Variants in UBE2S observed in about 807,000 individuals in gnomAD.
UBE2S encodes ubiquitin conjugating enzyme E2 S.
A neutral mutation model predicts 12.3 loss-of-function variants in UBE2S; 3 were observed. The observed-to-expected ratio is 0.24, with a 90% confidence interval of 0.11 to 0.63. The LOEUF (loss-of-function observed/expected upper bound fraction) is 0.63, where lower values mean the gene tolerates loss of function less well. Among genes scored for constraint, UBE2S ranks in the 30% least tolerant of loss-of-function variants. The pLI, the probability that UBE2S is intolerant of heterozygous loss-of-function variation, is 0.85. For synonymous variants in UBE2S, 133 were observed against 142.0 expected, an observed-to-expected ratio of 0.94 and a Z score of 0.45; for missense variants, 211 against 313.9, an observed-to-expected ratio of 0.67 and a Z score of 2.48.
chr19:55,406,743 G>A (rs887436880), intron 2 of UBE2S, 72 bp downstream of exon 2: 15 of 1,542,606 alleles, frequency 9.7e-6, no homozygotes, highest in Admixed American at 1.9e-5. Context: ...GGTACTTCCC[G>A]CTAGGGTGAT....
At chr19:55,401,815 C>CA in intron 3 of UBE2S, 53 bp from the exon 4 acceptor site, 1 of 1,595,116 alleles carries the variant, frequency 6.3e-7, no homozygotes, top group Non-Finnish European at 8.6e-7. Context: ...CAGGGACCCC[C>CA]AGGCCTCCAC....
chr19:55,403,392 G>A, intron 3 of UBE2S: 1 of 371,266 alleles, frequency 2.7e-6, no homozygotes, highest in Non-Finnish European at 4.9e-6. Flanking sequence ...AGGAAGCTGA[G>A]GCAGGAAGAT....
In UBE2S at chr19:55,404,512, C is replaced by A; in HGVS notation, c.152-34G>T. 1 of 1,553,210 alleles carries A rather than the reference C, an allele frequency of 6.4e-7. No homozygotes were observed. On this transcript the variant is annotated intron_variant, in intron 2 of 3. Transcript: ENST00000264552. This position sits in a 1 kb window ranked among gnomAD's most constrained non-coding sequence, Gnocchi z 4.4. The stretch of plus-strand genomic sequence containing the variant: ...GAGGGAGGGGTACAGGGTCAGGGCA[C>A]TCAGGAGTCCCAAGGCACCTCAACA...
At chr19:55,405,640 G>A (rs1412344860) in intron 2 of UBE2S, among the ~76,000 whole-genome samples, 1 of 152,086 alleles carries the variant, frequency 6.6e-6, no homozygotes, top group African/African-American at 2.4e-5. Context: ...GCACCCTCCT[G>A]GATCCCCCGT....
intron 1 of UBE2S, 103 bp from the exon 2 acceptor site, chr19:55,407,065 G>C: frequency 7.0e-7 from 1 of 1,427,306 alleles, no homozygotes; most frequent in Non-Finnish European, 9.5e-7. Context: ...AGTGGCCCCA[G>C]GCTGTCAATC....
chr19:55,401,098 C>T lies in UBE2S; in HGVS notation c.*338G>A, dbSNP rs893167115. On this transcript the variant is annotated 3_prime_UTR_variant, in exon 4 of 4. Transcript: ENST00000264552. Reference sequence around the variant, plus strand: ...TCTGACTCCAAAGAGGGGTTGTGACCGCTCTACCTCCACAGAACAAAGAGG... The same window carrying T: ...TCTGACTCCAAAGAGGGGTTGTGACTGCTCTACCTCCACAGAACAAAGAGG... The T allele has an allele frequency of 8.4e-5, 28 of 332,142 alleles. No individual in the cohort carries two copies. Among genetic ancestry groups the T allele is most frequent in the African/African-American group, 2.0e-4 (9 of 46,056 alleles). 20.6% of individuals were successfully genotyped at this position (332,142 alleles called of 1,614,324 possible). A position where few individuals can be genotyped will look rare whatever the true frequency, so the allele number is the denominator to read the frequency against.
rs2090099014 is a variant in UBE2S at position 55,406,824 on chromosome 19, C to T, written c.142G>A (p.Glu48Lys). ...TTCCTTCCAAACTCACCAGGGCCCT[C>T]GATGGTGACCTGGAGGTCGGTGAGG... The part of the protein sequence containing the change: ...EDLTDLQVTI[E>K]GPEGTPYAGG... The change falls in exon 2 of 4, where the codon GAG (glutamate) becomes AAG (lysine). Residue 48 changes from glutamate (E) to lysine (K), a missense_variant. By Grantham distance (56) the Glu-to-Lys change is moderately conservative (BLOSUM62 1). Coordinates refer to ENST00000264552, the MANE Select transcript of UBE2S (RefSeq NM_014501.3). 2 of 1,612,498 alleles carry T rather than the reference C, an allele frequency of 1.2e-6. No homozygotes were observed. Among genetic ancestry groups the T allele is most frequent in the Non-Finnish European group, 1.7e-6 (2 of 1,179,400 alleles).
Position 55,404,217 on chromosome 19 carries a change from C to T in UBE2S, c.342+71G>A, listed in dbSNP as rs1046800681. ...GTTGATTCAGAAAAACTAAACAAAG[C>T]GCTATGGCTCAGACACCAGCAGACC... On this transcript the variant is annotated intron_variant, in intron 3 of 3. Coordinates refer to ENST00000264552, the MANE Select transcript of UBE2S (RefSeq NM_014501.3). The surrounding 1 kb of genome is among the most constrained non-coding windows in gnomAD (Gnocchi z 4.4). 35 of 1,582,338 alleles carry T rather than the reference C, an allele frequency of 2.2e-5. No homozygotes were observed. The highest frequency in any genetic ancestry group is 2.7e-5 in the African/African-American group (2 of 73,926).
At position 55,406,864 on chromosome 19, in the gene UBE2S, A is replaced by G. The variant is rs762797582; in HGVS notation, c.102T>C (p.Phe34=). The change falls in exon 2 of 4, where the codon TTT becomes TTC. Residue 34 remains phenylalanine (F), a synonymous_variant. Coordinates refer to ENST00000264552, the MANE Select transcript of UBE2S (RefSeq NM_014501.3). ...TADPPDGIKV[F]PNEEDLTDLQ... is the part of the protein sequence containing the mutation. ...GGTCGGTGAGGTCCTCCTCGTTGGG[A>G]AAGACCTTGATGCCATCGGGTGGGT... 2.5e-6 allele frequency: 4 copies of G among 1,613,780 alleles called. No homozygotes were observed. The Admixed American group carries it at 5.0e-5, about 20-fold the overall frequency.
Position 55,401,472 on chromosome 19 carries a change from T to C in UBE2S, c.633A>G (p.Lys211=), listed in dbSNP as rs765130126. The C allele has an allele frequency of 1.7e-5, 27 of 1,607,688 alleles. No homozygotes were observed. The highest frequency in any genetic ancestry group is 2.7e-5 in the African/African-American group (2 of 74,718). Residue 211 remains lysine, a synonymous_variant, in exon 4 of 4, where the codon AAA becomes AAG. Transcript: ENST00000264552. ...GERDKKLAAK[K]KTDKKRALRR... Reference sequence around the variant, plus strand: ...GCAGCGCCCGCTTCTTGTCCGTCTTTTTCTTGGCCGCCAGCTTCTTATCGC... The same window carrying C: ...GCAGCGCCCGCTTCTTGTCCGTCTTCTTCTTGGCCGCCAGCTTCTTATCGC...
At chr19:55,403,388 C>A (rs2090075176) in intron 3 of UBE2S, 1 of 372,632 alleles carries the variant, frequency 2.7e-6, no homozygotes, top group African/African-American at 2.1e-5. Context: ...ATTCAGGAAG[C>A]TGAGGCAGGA....
chr19:55,405,283 G>C (rs924145874), intron 2 of UBE2S, among the ~76,000 whole-genome samples: 10 of 151,482 alleles, frequency 6.6e-5, no homozygotes, highest in African/African-American at 2.4e-4. Context: ...GCTGAGGCGG[G>C]CGGATCACAA....
chr19:55,404,521 C>A lies in UBE2S; in HGVS notation c.152-43G>T. On this transcript the variant is annotated intron_variant, in intron 2 of 3. Coordinates refer to ENST00000264552, the MANE Select transcript of UBE2S (RefSeq NM_014501.3). The surrounding 1 kb of genome is among the most constrained non-coding windows in gnomAD (Gnocchi z 4.4). ...GTACAGGGTCAGGGCACTCAGGAGT[C>A]CCAAGGCACCTCAACACCCCAAAGT... 6.5e-7 allele frequency: 1 copy of A among 1,527,042 alleles called. No homozygotes were observed. Among genetic ancestry groups the A allele is most frequent in the Middle Eastern group, 1.8e-4 (1 of 5,700 alleles). 94.6% of individuals were successfully genotyped at this position (1,527,042 alleles called of 1,614,324 possible). A position where few individuals can be genotyped will look rare whatever the true frequency, so the allele number is the denominator to read the frequency against.
At position 55,406,984 on chromosome 19, in the gene UBE2S, G is replaced by C. The variant is rs200877484; in HGVS notation, c.4-22C>G. The C allele has an allele frequency of 3.7e-4, 603 of 1,610,974 alleles. 2 individuals are homozygous for C. Among genetic ancestry groups the C allele is most frequent in the Admixed American group, 8.0e-4 (48 of 59,780 alleles). Reference sequence around the variant, plus strand: ...AGTTCTGGGCACGGATGGGAGAGCAGGGTGAGCGAGTGTTAAGAGCTGGGC... The same window carrying C: ...AGTTCTGGGCACGGATGGGAGAGCACGGTGAGCGAGTGTTAAGAGCTGGGC... On this transcript the variant is annotated intron_variant, in intron 1 of 3. Transcript: ENST00000264552.
intron 3 of UBE2S, among the ~76,000 whole-genome samples, chr19:55,403,557 A>G (rs907027128): frequency 1.3e-5 from 2 of 151,790 alleles, no homozygotes; most frequent in Non-Finnish European, 2.9e-5. Flanking sequence ...AAAAGAAAGA[A>G]AGAGCTTCTA....
intron 1 of UBE2S, 52 bp downstream of exon 1, chr19:55,407,535 T>C: frequency 6.6e-7 from 1 of 1,522,014 alleles, no homozygotes. Flanking sequence ...CTCCACCTCC[T>C]CCCTCAGGGA....
intron 3 of UBE2S, 33 bp from the exon 4 acceptor site, chr19:55,401,795 G>T (rs545165832): frequency 1.9e-6 from 3 of 1,611,178 alleles, no homozygotes; most frequent in South Asian, 1.1e-5. Context: ...ACAGTGGGTC[G>T]GGCAACCTAC....
chr19:55,401,836 C>G (rs980680399), intron 3 of UBE2S, 74 bp from the exon 4 acceptor site: 1 of 1,516,880 alleles, frequency 6.6e-7, no homozygotes, highest in East Asian at 2.3e-5. Context: ...AAGAGGGTGG[C>G]CTCCGCACTG....
chr19:55,402,137 T>C (rs572952589), intron 3 of UBE2S, among the ~76,000 whole-genome samples: 7 of 152,296 alleles, frequency 4.6e-5, no homozygotes, highest in Admixed American at 1.3e-4. Flanking sequence ...TCCATGCAGT[T>C]CAGCATGACC....
Sources: gnomAD v4.1 joint callset for allele counts (sites outside exome capture counted in the v4.1 genomes callset) on GRCh38, gnomAD v4.1.1 for gene constraint, Gnocchi (gnomAD v3.1) non-coding constraint, MANE v1.5 for transcripts, NCBI Gene and HGNC (gene_info 2026-07-23, HGNC 2026-07-21) for gene names.